PPP6R2: variants seen among roughly 807,000 people sequenced by gnomAD.
The protein encoded by PPP6R2 is serine/threonine-protein phosphatase 6 regulatory subunit 2.
Under a neutral mutation model 100.2 loss-of-function variants are expected in PPP6R2, and 62 were observed. That is an observed-to-expected ratio of 0.62 (90% CI 0.50 to 0.76). The LOEUF (loss-of-function observed/expected upper bound fraction) is 0.76. PPP6R2 is among the 30% of genes least tolerant of loss of function. The pLI, the probability that PPP6R2 is intolerant of heterozygous loss-of-function variation, is 0.00. For synonymous variants in PPP6R2, 525 were observed against 514.7 expected (o/e 1.02, Z -0.27); for missense variants, 1,142 against 1,276.3 (o/e 0.89, Z 1.60).
At chr22:50,388,366 C>T (rs2054686640) in intron 2 of PPP6R2, among the ~76,000 whole-genome samples, 1 of 149,722 alleles carries the variant, frequency 6.7e-6, no homozygotes, top group Non-Finnish European at 1.5e-5. Context: ...TACACTCCAG[C>T]CTTGGCAACA....
chr22:50,444,205 AG>A lies in PPP6R2; in HGVS notation c.2839del (p.Asp947MetfsTer9), dbSNP rs1469883482. 1 of 1,612,820 alleles carries A rather than the reference AG, an allele frequency of 6.2e-7. No individual in the cohort carries two copies. The highest frequency in any genetic ancestry group is 8.5e-7 in the Non-Finnish European group (1 of 1,179,790). The stretch of plus-strand genomic sequence containing the variant: ...CCCCACCCCATTCCTGCAGGAAGAC[AG>A]ATGCCCCGCCAGAAGGAGCTGCCTT... ...LGTVTKDGKT[D>X]APPEGAALNG... is the part of the protein sequence containing the mutation. On this transcript the variant is annotated frameshift_variant, in exon 24 of 24. Coordinates refer to ENST00000612753, the MANE Select transcript of PPP6R2 (RefSeq NM_001242898.2). LOFTEE classifies it high-confidence loss of function.
chr22:50,332,554 A>G, the PPP6R2 span, among the ~76,000 whole-genome samples: 1 of 150,920 alleles, frequency 6.6e-6, no homozygotes, highest in African/African-American at 2.4e-5. Context: ...TTTAGCTCTT[A>G]TATTTAGGTC....
chr22:50,354,111 C>T (rs1203320617), intron 1 of PPP6R2, among the ~76,000 whole-genome samples: 2 of 150,410 alleles, frequency 1.3e-5, no homozygotes, highest in African/African-American at 2.4e-5. Context: ...TTGAGACCAC[C>T]GTGGCCAACA....
At chr22:50,410,469 C>CTTTTTTTTTTTTTT (rs200178930) in intron 4 of PPP6R2, among the ~76,000 whole-genome samples, 2 of 103,342 alleles carry the variant, frequency 1.9e-5, no homozygotes, top group Non-Finnish European at 4.0e-5. Flanking sequence ...TGAGTGGTGT[C>CTTTTTTTTTTTTTT]TTTTTTTTTT....
At chr22:50,428,738 T>TA (rs77686598) in intron 10 of PPP6R2, among the ~76,000 whole-genome samples, 29,022 of 149,058 alleles carry the variant, frequency 0.19, 3,001 homozygotes, top group East Asian at 0.24. Context: ...ATACATATTC[T>TA]AAAAAAAAAA....
At chr22:50,372,989 A>G (rs759651362) in intron 2 of PPP6R2, among the ~76,000 whole-genome samples, 1 of 151,976 alleles carries the variant, frequency 6.6e-6, no homozygotes, top group Admixed American at 6.6e-5. Context: ...GCCCTGTCCA[A>G]AGTTTAATTC....
chr22:50,424,180 C>T (rs1455585966), intron 10 of PPP6R2, among the ~76,000 whole-genome samples: 1 of 152,188 alleles, frequency 6.6e-6, no homozygotes, highest in Non-Finnish European at 1.5e-5. Flanking sequence ...TGAGGCTGCT[C>T]CCCTGAGAAC....
In PPP6R2 at chr22:50,423,906, C is replaced by T. The variant is rs192161488; in HGVS notation, c.1125+292C>T. Among the ~76,000 whole-genome samples the T allele has an allele frequency of 1.8e-4, 27 of 152,372 alleles. No individual in the cohort carries two copies. The highest frequency in any genetic ancestry group is 1.7e-3 in the Admixed American group (26 of 15,300). Reference sequence around the variant, plus strand: ...TGATGGAATAGAGTGACACGTCTACCTCCTTTCTCATGTTCTGACTGAACA... The same window carrying T: ...TGATGGAATAGAGTGACACGTCTACTTCCTTTCTCATGTTCTGACTGAACA... On this transcript the variant is annotated intron_variant, in intron 10 of 23. Coordinates refer to ENST00000612753, the MANE Select transcript of PPP6R2 (RefSeq NM_001242898.2). This position sits in a 1 kb window ranked among gnomAD's most constrained non-coding sequence, Gnocchi z 4.8.
intron 4 of PPP6R2, among the ~76,000 whole-genome samples, chr22:50,410,162 C>T (rs928849054): frequency 1.3e-5 from 2 of 151,972 alleles, no homozygotes; most frequent in African/African-American, 4.8e-5. Flanking sequence ...TACCCTGCCC[C>T]CCAAAAATAA....
chr22:50,415,403 G>A (rs940944156), intron 5 of PPP6R2, among the ~76,000 whole-genome samples: 25 of 152,188 alleles, frequency 1.6e-4, no homozygotes, highest in African/African-American at 5.6e-4. Flanking sequence ...ATGACTGACC[G>A]CCACCAACCT....
At chr22:50,421,433 C>A (rs913791896) in intron 8 of PPP6R2, among the ~76,000 whole-genome samples, 7 of 152,216 alleles carry the variant, frequency 4.6e-5, no homozygotes, top group African/African-American at 1.4e-4. Flanking sequence ...GCCTCAGAGT[C>A]CTGAGCTCAA....
chr22:50,437,173 G>C, intron 15 of PPP6R2, 105 bp downstream of exon 15: 1 of 1,174,472 alleles, frequency 8.5e-7, no homozygotes, highest in Non-Finnish European at 1.2e-6. Context: ...CTAGCAAAGG[G>C]GAGCGGGGGC....
At chr22:50,373,678 A>G (rs998356350) in intron 2 of PPP6R2, among the ~76,000 whole-genome samples, 1 of 152,076 alleles carries the variant, frequency 6.6e-6, no homozygotes, top group Admixed American at 6.6e-5. Flanking sequence ...AAGTCTCCTC[A>G]GTAGCTGGGA....
chr22:50,437,739 TGA>T, intron 16 of PPP6R2, 102 bp from the exon 17 acceptor site: 1 of 1,415,126 alleles, frequency 7.1e-7, no homozygotes, highest in East Asian at 2.5e-5. Flanking sequence ...CCCAGTTGTG[TGA>T]GGGTGCTGAG....
Position 50,363,379 on chromosome 22 carries a change from G to A in PPP6R2, c.-147-8641G>A, listed in dbSNP as rs142263114. On this transcript the variant is annotated intron_variant, in intron 1 of 23. Transcript: ENST00000612753. ...GGCACTTCTCCATTGCCACAGTTAA[G>A]AAAGGCTTTTACTTCAGAATTATAG... is the stretch of plus-strand genomic sequence containing the variant. Among the ~76,000 whole-genome samples the A allele has an allele frequency of 3.1e-4, 47 of 152,356 alleles. No homozygotes were observed. In the East Asian group the frequency reaches 4.6e-3, roughly 15 times the overall value.
At chr22:50,341,988 G>C (rs766006750), upstream of PPP6R2, among the ~76,000 whole-genome samples, 8 of 143,452 alleles carry the variant, frequency 5.6e-5, no homozygotes, top group Non-Finnish European at 1.2e-4. Context: ...GCGAGACTCC[G>C]TCTCAAAAAA....
At chr22:50,412,978 G>C (rs955206325) in intron 4 of PPP6R2, among the ~76,000 whole-genome samples, 31 of 106,686 alleles carry the variant, frequency 2.9e-4, no homozygotes, top group African/African-American at 1.1e-3. Flanking sequence ...TTTTTTTTTT[G>C]AGACAGAGTT....
At position 50,444,131 on chromosome 22, in the gene PPP6R2, G is replaced by A. The variant is rs756817019; in HGVS notation, c.2831+14G>A. 3 of 1,611,828 alleles carry A rather than the reference G, an allele frequency of 1.9e-6. No individual in the cohort carries two copies. Among genetic ancestry groups the A allele is most frequent in the South Asian group, 1.1e-5 (1 of 91,046 alleles). The stretch of plus-strand genomic sequence containing the variant: ...GACAAAGGACGGGTGAGCAGGTTGA[G>A]TGTGGGGGTAGGGGGTGTGGACAGG... On this transcript the variant is annotated intron_variant, in intron 23 of 23. Transcript: ENST00000612753.
intron 1 of PPP6R2, among the ~76,000 whole-genome samples, chr22:50,348,677 T>C (rs964401960): frequency 6.6e-6 from 1 of 152,108 alleles, no homozygotes; most frequent in African/African-American, 2.4e-5. Flanking sequence ...GAAGGTATCT[T>C]ACAGGAGGGT....
Sources: allele counts gnomAD v4.1 joint callset (sites outside exome capture counted in the v4.1 genomes callset), GRCh38; gene constraint gnomAD v4.1.1; non-coding constraint Gnocchi (gnomAD v3.1); transcripts MANE v1.5; gene names NCBI Gene and HGNC (gene_info 2026-07-23, HGNC 2026-07-21).